The following ZMYM2 variants were observed in gnomAD, a reference collection of about 807,000 sequenced individuals.
ZMYM2 encodes zinc finger MYM-type containing 2.
A neutral mutation model predicts 162.8 loss-of-function variants in ZMYM2; 56 were observed. The ratio of observed to expected loss-of-function variants is 0.34; its 90% CI spans 0.28 to 0.43. ZMYM2 has a LOEUF of 0.43. ZMYM2 is among the 20% of genes least tolerant of loss of function. The pLI is 1.00. For missense variants in ZMYM2, 1,275 were observed against 1,621.8 expected, an observed-to-expected ratio of 0.79 and a Z score of 3.67; for synonymous variants, 510 against 541.6, an observed-to-expected ratio of 0.94 and a Z score of 0.81.
chr13:19,921,841 G>A, the ZMYM2 span, among the ~76,000 whole-genome samples: 1 of 152,150 alleles, frequency 6.6e-6, no homozygotes, highest in Non-Finnish European at 1.5e-5. Flanking sequence ...GGCCAAGCTT[G>A]AGGACTGCAA....
At chr13:19,987,828 C>T (rs1333665807) in intron 2 of ZMYM2, among the ~76,000 whole-genome samples, 1 of 151,550 alleles carries the variant, frequency 6.6e-6, no homozygotes, top group African/African-American at 2.4e-5. Context: ...GTTGTCCAGG[C>T]TGGGCTTGAA....
the ZMYM2 span, among the ~76,000 whole-genome samples, chr13:19,948,187 A>T: frequency 6.6e-6 from 1 of 152,202 alleles, no homozygotes; most frequent in African/African-American, 2.4e-5. Flanking sequence ...AAGACAGTTG[A>T]CAGTTTCTTA....
intron 12 of ZMYM2, 62 bp from the exon 13 acceptor site, chr13:20,051,371 T>G: frequency 6.4e-7 from 1 of 1,571,256 alleles, no homozygotes; most frequent in Non-Finnish European, 8.6e-7. Context: ...TAATCACTGA[T>G]AAACTTCTGG....
intron 3 of ZMYM2, among the ~76,000 whole-genome samples, chr13:19,999,276 A>G (rs992142373): frequency 4.6e-5 from 7 of 152,310 alleles, no homozygotes; most frequent in Non-Finnish European, 7.4e-5. Flanking sequence ...TTGTGGCAAC[A>G]TTGAGCCGAG....
At chr13:19,967,554 T>C (rs1955901117) in intron 2 of ZMYM2, among the ~76,000 whole-genome samples, 1 of 152,250 alleles carries the variant, frequency 6.6e-6, no homozygotes, top group African/African-American at 2.4e-5. Flanking sequence ...TTAATACATT[T>C]ATCAAATCTT....
At chr13:20,047,939 A>G (rs551800848) in intron 12 of ZMYM2, among the ~76,000 whole-genome samples, 1 of 152,234 alleles carries the variant, frequency 6.6e-6, no homozygotes, top group Admixed American at 6.5e-5. Flanking sequence ...AAAACCTGAT[A>G]GTTCTTTTGA....
chr13:19,965,377 A>G, intron 2 of ZMYM2: 1 of 615,362 alleles, frequency 1.6e-6, no homozygotes, highest in African/African-American at 1.9e-5. Context: ...CATTCATTTC[A>G]AAGAGGTATG....
chr13:19,905,244 C>G, the ZMYM2 span, among the ~76,000 whole-genome samples: 1 of 152,068 alleles, frequency 6.6e-6, no homozygotes, highest in African/African-American at 2.4e-5. Context: ...AACTCCTGAC[C>G]TCAAGTGATC....
At chr13:19,925,819 C>T in the ZMYM2 span, among the ~76,000 whole-genome samples, 14 of 148,908 alleles carry the variant, frequency 9.4e-5, no homozygotes, top group South Asian at 2.6e-3. Context: ...TGCAGTGAGC[C>T]GAGATTGTGC....
chr13:19,983,220 C>T (rs1473583237), intron 2 of ZMYM2, among the ~76,000 whole-genome samples: 1 of 151,620 alleles, frequency 6.6e-6, no homozygotes, highest in Admixed American at 6.6e-5. Context: ...TCTTGGCTCA[C>T]TGCAACCTTT....
chr13:19,997,519 G>T (rs1207245501), intron 3 of ZMYM2, among the ~76,000 whole-genome samples: 1 of 152,088 alleles, frequency 6.6e-6, no homozygotes, highest in Non-Finnish European at 1.5e-5. Flanking sequence ...GTGTGTATGT[G>T]TGTATGGGTG....
At chr13:19,965,112 C>T in intron 2 of ZMYM2, 1 of 447,106 alleles carries the variant, frequency 2.2e-6, no homozygotes, top group Non-Finnish European at 3.4e-6. Context: ...AAAATACTTA[C>T]ATAGCTATTC....
At chr13:20,079,679 A>G (rs546772879) in intron 21 of ZMYM2, among the ~76,000 whole-genome samples, 1 of 112,784 alleles carries the variant, frequency 8.9e-6, no homozygotes, top group East Asian at 2.0e-4. Flanking sequence ...TTCTGTAACA[A>G]GAACAGCAGA....
At chr13:19,936,815 C>T in the ZMYM2 span, among the ~76,000 whole-genome samples, 24 of 151,936 alleles carry the variant, frequency 1.6e-4, 1 homozygote, top group Non-Finnish European at 1.0e-4. Context: ...AGTTTCTTTC[C>T]TATTAACTAC....
At position 19,959,335 on chromosome 13, in the gene ZMYM2, C is replaced by A. The variant is rs1351481208; in HGVS notation, c.-80+494C>A. 2.0e-5 allele frequency among the ~76,000 whole-genome samples: 3 copies of A among 152,188 alleles called. No individual in the cohort carries two copies. The East Asian group carries it at 5.8e-4, about 29-fold the overall frequency. On this transcript the variant is annotated intron_variant, in intron 1 of 24. Transcript: ENST00000610343. ...ACCCTGTCCACCGGAGCCGAGGTCCCCAAGTTTTTCGGGGTGAGGGCTGCT... is the reference window on the plus strand; with the variant it reads ...ACCCTGTCCACCGGAGCCGAGGTCCACAAGTTTTTCGGGGTGAGGGCTGCT...
intron 2 of ZMYM2, among the ~76,000 whole-genome samples, chr13:19,979,564 A>G (rs1315109959): frequency 6.6e-6 from 1 of 151,970 alleles, no homozygotes; most frequent in African/African-American, 2.4e-5. Flanking sequence ...GAAAATGGTC[A>G]TGTCTCAGTA....
At chr13:19,924,106 C>T in the ZMYM2 span, among the ~76,000 whole-genome samples, 1 of 152,062 alleles carries the variant, frequency 6.6e-6, no homozygotes, top group African/African-American at 2.4e-5. Context: ...TTTATATTGT[C>T]GTATAGCAGA....
At chr13:20,058,432 G>T in intron 14 of ZMYM2, 143 bp from the exon 15 acceptor site, 6 of 947,786 alleles carry the variant, frequency 6.3e-6, no homozygotes, top group Non-Finnish European at 9.1e-6. Flanking sequence ...AGAGTATGGT[G>T]AACATAGGGA....
the ZMYM2 span, among the ~76,000 whole-genome samples, chr13:19,865,301 TGCATTCAAAGCCGTCCTGGGCC>T: frequency 1.3e-5 from 2 of 152,256 alleles, no homozygotes; most frequent in East Asian, 1.9e-4. Context: ...TGTGTTGGGC[TGCATTCAAAGCCGTCCTGGGCC>T]GCATGCAACC....
Sources: allele counts gnomAD v4.1 joint callset (sites outside exome capture counted in the v4.1 genomes callset), GRCh38; gene constraint gnomAD v4.1.1; transcripts MANE v1.5; gene names NCBI Gene and HGNC (gene_info 2026-07-23, HGNC 2026-07-21).